FNBP1: variants seen among roughly 807,000 people sequenced by gnomAD.
FNBP1 encodes formin binding protein 1, also known as formin-binding protein 1.
In FNBP1, 26 loss-of-function variants were observed where a neutral mutation model predicts 90.6. That is an observed-to-expected ratio of 0.29 (90% CI 0.21 to 0.40). The LOEUF is 0.40. Ranked by LOEUF, FNBP1 falls within the 10% of genes least tolerant of loss-of-function variation. FNBP1 has a pLI of 1.00. For missense variants in FNBP1, 635 were observed against 768.0 expected, an observed-to-expected ratio of 0.83 and a Z score of 2.05; for synonymous variants, 260 against 265.2, an observed-to-expected ratio of 0.98 and a Z score of 0.19.
At chr9:129,891,026 G>A (rs1039043816) in intron 16 of FNBP1, among the ~76,000 whole-genome samples, 2 of 151,952 alleles carry the variant, frequency 1.3e-5, no homozygotes, top group African/African-American at 4.8e-5. Flanking sequence ...GTGGTGGCAG[G>A]TGCCTGTAAT....
intron 2 of FNBP1, among the ~76,000 whole-genome samples, chr9:129,989,676 T>C (rs2052818450): frequency 6.6e-6 from 1 of 152,080 alleles, no homozygotes; most frequent in East Asian, 1.9e-4. Context: ...TGAGGCAAAA[T>C]TGTAGGAGAA....
chr9:129,968,558 T>C (rs1453973113), intron 4 of FNBP1, among the ~76,000 whole-genome samples: 2 of 152,216 alleles, frequency 1.3e-5, no homozygotes, highest in South Asian at 2.1e-4. Context: ...AGTCAGTCCA[T>C]GCTGCAGAAC....
At position 129,900,167 on chromosome 9, in the gene FNBP1, C is replaced by T; in HGVS notation, c.1551-66G>A. ...ACCCCAGGGAGGACTCAGATTGAGT[C>T]CCTGCGACTGGAGAGCACTTGCAAC... On this transcript the variant is annotated intron_variant, in intron 14 of 16. Transcript: ENST00000446176. This position sits in a 1 kb window ranked among gnomAD's most constrained non-coding sequence, Gnocchi z 4.1. The T allele has an allele frequency of 6.7e-7, 1 of 1,487,430 alleles. No homozygotes were observed. 92.1% of individuals were successfully genotyped at this position (1,487,430 alleles called of 1,614,324 possible). A position where few individuals can be genotyped will look rare whatever the true frequency, so the allele number is the denominator to read the frequency against.
chr9:129,895,399 A>C (rs769654086), intron 16 of FNBP1: 20 of 1,088,914 alleles, frequency 1.8e-5, no homozygotes, highest in Non-Finnish European at 2.0e-5. Context: ...ACAATCTGTA[A>C]CCACCTAATG....
intron 4 of FNBP1, among the ~76,000 whole-genome samples, chr9:129,959,219 C>T (rs1227289835): frequency 6.6e-6 from 1 of 151,342 alleles, no homozygotes; most frequent in Non-Finnish European, 1.5e-5. Flanking sequence ...CTCACCTAAG[C>T]CTGGGAGGTT....
At chr9:129,999,817 G>A (rs190447970) in intron 1 of FNBP1, among the ~76,000 whole-genome samples, 5 of 152,156 alleles carry the variant, frequency 3.3e-5, no homozygotes, top group African/African-American at 7.2e-5. Flanking sequence ...GAATGGCACC[G>A]TGTTACATTT....
At chr9:130,052,327 A>T in the FNBP1 span, among the ~76,000 whole-genome samples, 1 of 152,326 alleles carries the variant, frequency 6.6e-6, no homozygotes, top group Middle Eastern at 3.4e-3. Flanking sequence ...ACCCAGTTTT[A>T]AGCCCTTATA....
Position 129,978,687 on chromosome 9 carries a change from A to G in FNBP1, c.198-75T>C. The G allele has an allele frequency of 3.4e-6, 5 of 1,451,990 alleles. No individual in the cohort carries two copies. In the South Asian group the frequency reaches 6.4e-5, roughly 18 times the overall value. 89.9% of individuals were successfully genotyped at this position (1,451,990 alleles called of 1,614,324 possible). ...TCATATTCTGCTTTACACCAAGAAAATATTAATTAAAATCAGGTTAATTGG... is the reference window on the plus strand; with the variant it reads ...TCATATTCTGCTTTACACCAAGAAAGTATTAATTAAAATCAGGTTAATTGG... On this transcript the variant is annotated intron_variant, in intron 3 of 16. Transcript: ENST00000446176.
In FNBP1 at chr9:129,914,784, TA is replaced by T. The variant is rs1262262513; in HGVS notation, c.1185+1181del. 5 of 148,552 alleles carry T rather than the reference TA, an allele frequency of 3.4e-5. No homozygotes were observed. The Admixed American group carries it at 3.6e-4, about 11-fold the overall frequency. 9.2% of individuals were successfully genotyped at this position (148,552 alleles called of 1,614,324 possible). On this transcript the variant is annotated intron_variant, in intron 11 of 16. Transcript: ENST00000446176. ...ATATATATATATATATATATATATA[TA>T]TATATATATCTCACCATAAAATACT...
chr9:129,987,496 T>C (rs1041776286), intron 2 of FNBP1, among the ~76,000 whole-genome samples: 1 of 151,996 alleles, frequency 6.6e-6, no homozygotes, highest in Admixed American at 6.6e-5. Context: ...ACACACACAA[T>C]AATGACATCC....
intron 11 of FNBP1, among the ~76,000 whole-genome samples, chr9:129,909,421 C>T (rs548219534): frequency 5.8e-4 from 88 of 152,164 alleles, no homozygotes; most frequent in Non-Finnish European, 1.2e-3. Context: ...AACCACTGCA[C>T]GCCTAGCTGC....
chr9:130,043,731 T>A (rs2060016784), upstream of FNBP1, among the ~76,000 whole-genome samples: 1 of 152,166 alleles, frequency 6.6e-6, no homozygotes, highest in Admixed American at 6.5e-5. Context: ...CTCGAGTGGC[T>A]AGGGAAAGAA....
At chr9:130,046,587 AAAAAAAAAAAAAAAAAACACC>A (rs1171574013), upstream of FNBP1, among the ~76,000 whole-genome samples, 87 of 149,020 alleles carry the variant, frequency 5.8e-4, no homozygotes, top group African/African-American at 2.1e-3. Flanking sequence ...ATACAAAAAA[AAAAAAAAAAAAAAAAAACACC>A]AAAAAAAAAA....
At chr9:129,990,951 T>TTTTGG in intron 2 of FNBP1, among the ~76,000 whole-genome samples, 1 of 150,066 alleles carries the variant, frequency 6.7e-6, no homozygotes, top group Admixed American at 6.7e-5. Context: ...TTTTTTTTTT[T>TTTTGG]GAGATGGAGT....
chr9:129,917,031 G>C (rs1377461124), intron 10 of FNBP1, among the ~76,000 whole-genome samples: 1 of 147,498 alleles, frequency 6.8e-6, no homozygotes, highest in East Asian at 2.0e-4. Flanking sequence ...TTTTTTTTTT[G>C]AGACAGGGTC....
intron 3 of FNBP1, 23 bp from the exon 4 acceptor site, chr9:129,978,635 C>G (rs1244259373): frequency 6.2e-7 from 1 of 1,606,858 alleles, no homozygotes. Flanking sequence ...ACACACGCCA[C>G]TCTGTTTCAC....
chr9:129,903,607 C>A (rs1169897078), intron 12 of FNBP1, among the ~76,000 whole-genome samples: 1 of 152,074 alleles, frequency 6.6e-6, no homozygotes, highest in African/African-American at 2.4e-5. Flanking sequence ...CTTTGCCACA[C>A]AGATAAAATA....
rs1055030001 is a variant in FNBP1, at chr9:129,889,099, G to T, written c.*1440C>A. The T allele has an allele frequency of 4.6e-6, 1 of 217,864 alleles. No homozygotes were observed. The highest frequency in any genetic ancestry group is 9.2e-6 in the Non-Finnish European group (1 of 109,100). 13.5% of individuals were successfully genotyped at this position (217,864 alleles called of 1,614,324 possible). A position where few individuals can be genotyped will look rare whatever the true frequency, so the allele number is the denominator to read the frequency against. ...GGCGTGGCGGGGGGGGGGGGTGGTGGCCACAGATTAGGGGACCTCAGGTTT... is the reference window on the plus strand; with the variant it reads ...GGCGTGGCGGGGGGGGGGGGTGGTGTCCACAGATTAGGGGACCTCAGGTTT... On this transcript the variant is annotated 3_prime_UTR_variant, in exon 17 of 17. Coordinates refer to ENST00000446176, the MANE Select transcript of FNBP1 (RefSeq NM_015033.3).
At chr9:129,917,357 GT>G (rs2040418499) in intron 10 of FNBP1, among the ~76,000 whole-genome samples, 1 of 151,834 alleles carries the variant, frequency 6.6e-6, no homozygotes, top group South Asian at 2.1e-4. Flanking sequence ...CTGATTTTTG[GT>G]TTTGTTTTTG....
Sources: allele counts gnomAD v4.1 joint callset (sites outside exome capture counted in the v4.1 genomes callset), GRCh38; gene constraint gnomAD v4.1.1; non-coding constraint Gnocchi (gnomAD v3.1); transcripts MANE v1.5; gene names NCBI Gene and HGNC (gene_info 2026-07-23, HGNC 2026-07-21).